TUBGCP5: variants seen among roughly 807,000 people sequenced by gnomAD.
TUBGCP5 encodes gamma-tubulin complex component 5.
TUBGCP5 carries 98 observed loss-of-function variants against 134.7 expected under a neutral mutation model. That is an observed-to-expected ratio of 0.73 (90% CI 0.62 to 0.86). The LOEUF is 0.86. TUBGCP5 is among the 40% of genes least tolerant of loss of function. The pLI is 0.00. For missense variants in TUBGCP5, 1,150 were observed against 1,244.8 expected (o/e 0.92, Z 1.15); for synonymous variants, 456 against 431.4 (o/e 1.06, Z -0.71).
rs576963665 is a variant in TUBGCP5, at chr15:22,988,509, G to A, written c.*62-4898C>T. 3.8e-4 allele frequency among the ~76,000 whole-genome samples: 58 copies of A among 151,700 alleles called. 2 individuals are homozygous for A. In the East Asian group the frequency reaches 7.9e-3, roughly 21 times the overall value. Reference sequence around the variant, plus strand: ...AGCACTTTGGGAGGCCAAGGCGGGCGTATCACGAGGTCAGGAGATCGAGAC... The same window carrying A: ...AGCACTTTGGGAGGCCAAGGCGGGCATATCACGAGGTCAGGAGATCGAGAC... On this transcript the variant is annotated intron_variant and NMD_transcript_variant, in intron 23 of 23. Transcript: ENST00000614508.
chr15:23,017,563 C>T (rs1247542461), intron 13 of TUBGCP5, among the ~76,000 whole-genome samples: 2 of 152,094 alleles, frequency 1.3e-5, no homozygotes, highest in Non-Finnish European at 2.9e-5. Flanking sequence ...ACTGCCTTTT[C>T]AAACACAGCA....
chr15:23,003,190 T>A, intron 20 of TUBGCP5, 37 bp from the exon 21 acceptor site: 2 of 1,596,678 alleles, frequency 1.3e-6, no homozygotes, highest in Non-Finnish European at 1.7e-6. Flanking sequence ...ACTGTGTAAC[T>A]AGGTTTGGAC....
rs1432048816 is a variant in TUBGCP5 at position 23,016,967 on chromosome 15, G to GATAT, written c.1756+805_1756+806insATAT. Among the ~76,000 whole-genome samples the GATAT allele has an allele frequency of 1.2e-3, 72 of 60,896 alleles. 2 individuals are homozygous for GATAT. The Middle Eastern group carries it at 0.027, about 23-fold the overall frequency. The allele number at this position is 60,896 out of a possible 152,430, so 40.0% of individuals were successfully genotyped here. ...ACAGATGAATGGGTAAAAAAATTGT[G>GATAT]AGATATATATATATATATATGTATA... On this transcript the variant is annotated intron_variant, in intron 13 of 22. Transcript: ENST00000615383.
chr15:23,032,756 A>G lies in TUBGCP5; in HGVS notation c.378T>C (p.Tyr126=), dbSNP rs1345700827. 1 of 1,596,314 alleles carries G rather than the reference A, an allele frequency of 6.3e-7. No homozygotes were observed. The highest frequency in any genetic ancestry group is 8.5e-7 in the Non-Finnish European group (1 of 1,173,342). The change falls in exon 4 of 23, where the codon TAT becomes TAC. Residue 126 remains tyrosine, a synonymous_variant. Transcript: ENST00000615383. The part of the protein sequence containing the change: ...CLSDSPSNSS[Y]VETPRNKEVE... ...CTTCTTTATTTCTTGGTGTCTCCAC[A>G]TAACTGCTGTTTGAAGGAGAGTCTG... is the stretch of plus-strand genomic sequence containing the variant.
chr15:23,036,943 G>A lies in TUBGCP5; in HGVS notation c.263C>T (p.Thr88Met), dbSNP rs1007639596. The A allele has an allele frequency of 1.7e-5, 28 of 1,612,552 alleles. No homozygotes were observed. Among genetic ancestry groups the A allele is most frequent in the Middle Eastern group, 3.3e-4 (2 of 6,056 alleles). ...AAGTGGTGCATTTAGAAATTCCTCC[G>A]TTAATCTCTTCCAACTAGCAGCTTT... is the stretch of plus-strand genomic sequence containing the variant. ...LSKAASWKRL[T>M]EEFLNAPLPS... is the part of the protein sequence containing the mutation. Residue 88 changes from threonine (T) to methionine (M), a missense_variant, in exon 3 of 23, where the codon ACG (threonine) becomes ATG (methionine). Coordinates refer to ENST00000615383, the MANE Select transcript of TUBGCP5 (RefSeq NM_052903.6).
chr15:23,019,884 G>A (rs2065566883), intron 11 of TUBGCP5, among the ~76,000 whole-genome samples: 2 of 152,198 alleles, frequency 1.3e-5, no homozygotes, highest in Admixed American at 1.3e-4. Flanking sequence ...AAACTTGAGA[G>A]TGAAAGTGAC....
Position 22,999,846 on chromosome 15 carries a change from G to T in TUBGCP5, c.3049C>A (p.Leu1017Ile). Residue 1017 changes from leucine to isoleucine, a missense_variant, in exon 23 of 23, where the codon CTC becomes ATC. Leu to Ile is a conservative substitution (Grantham distance 5). Around this residue, in one of 2 missense-constraint regions of TUBGCP5, gnomAD observed 697 missense variants for 850.1 expected, o/e 0.82. Transcript: ENST00000615383. ...TAACTTTGTTCCATGCCAGCCATGAGTGACAACGCTAGAGATTCCACTGTG... is the reference window on the plus strand; with the variant it reads ...TAACTTTGTTCCATGCCAGCCATGATTGACAACGCTAGAGATTCCACTGTG... ...FPHLESLALS[L>I]MAGMEQS 1 of 1,613,992 alleles carries T rather than the reference G, an allele frequency of 6.2e-7. No homozygotes were observed. Among genetic ancestry groups the T allele is most frequent in the Non-Finnish European group, 8.5e-7 (1 of 1,179,900 alleles).
At chr15:23,018,418 T>C (rs2065465684) in intron 12 of TUBGCP5, among the ~76,000 whole-genome samples, 1 of 152,194 alleles carries the variant, frequency 6.6e-6, no homozygotes, top group African/African-American at 2.4e-5. Context: ...AACAATAAAA[T>C]GATGGTCAAT....
chr15:23,039,415 G>A lies in TUBGCP5; in HGVS notation c.129C>T (p.Phe43=), dbSNP rs1048333231. ...ADPNFQLALN[F]AWSNFRFHRF... ...CCCCACACCTGAAGTTGGACCAGGC[G>A]AAGTTTAGGGCGAGCTGGAAGTTGG... The change falls in exon 1 of 23, where the codon TTC becomes TTT. Residue 43 remains phenylalanine (F), a synonymous_variant. Coordinates refer to ENST00000615383, the MANE Select transcript of TUBGCP5 (RefSeq NM_052903.6). 4 of 1,512,594 alleles carry A rather than the reference G, an allele frequency of 2.6e-6. No individual in the cohort carries two copies. Among genetic ancestry groups the A allele is most frequent in the Non-Finnish European group, 3.6e-6 (4 of 1,123,236 alleles). The allele number at this position is 1,512,594 out of a possible 1,614,324, so 93.7% of individuals were successfully genotyped here.
At chr15:22,986,842 A>G (rs1567073737) in intron 23 of TUBGCP5, among the ~76,000 whole-genome samples, 1 of 152,084 alleles carries the variant, frequency 6.6e-6, no homozygotes, top group African/African-American at 2.4e-5. Context: ...CGTGTAGGAA[A>G]CTTCTGGGGA....
In TUBGCP5 at chr15:23,035,329, T is replaced by TAAAA. The variant is rs71117460; in HGVS notation, c.309+1564_309+1567dup. On this transcript the variant is annotated intron_variant, in intron 3 of 22. Transcript: ENST00000615383. ...TGGGTGACAAAGTGACACTCAGTCTTAAAAAAAAAAAAGAAAAAAAGTGTG... is the reference window on the plus strand; with the variant it reads ...TGGGTGACAAAGTGACACTCAGTCTTAAAAAAAAAAAAAAAAGAAAAAAAGTGTG... Among the ~76,000 whole-genome samples the TAAAA allele has an allele frequency of 5.7e-3, 768 of 134,610 alleles. 9 individuals carry two copies. Among genetic ancestry groups the TAAAA allele is most frequent in the African/African-American group, 0.021 (729 of 35,456 alleles). 88.3% of individuals were successfully genotyped at this position (134,610 alleles called of 152,430 possible). A position where few individuals can be genotyped will look rare whatever the true frequency, so the allele number is the denominator to read the frequency against.
chr15:23,016,086 G>A (rs138447474), intron 13 of TUBGCP5, among the ~76,000 whole-genome samples: 28 of 152,192 alleles, frequency 1.8e-4, no homozygotes, highest in East Asian at 1.2e-3. Flanking sequence ...AAGAGAACTC[G>A]GTGAGATACA....
rs531262881 is a variant in TUBGCP5 at position 23,024,754 on chromosome 15, C to T, written c.904G>A (p.Val302Ile). 6.4e-6 allele frequency: 10 copies of T among 1,559,058 alleles called. No individual in the cohort carries two copies. In the Admixed American group the frequency reaches 1.1e-4, roughly 16 times the overall value. Reference sequence around the variant, plus strand: ...TAACTTACATGTGTTAAATGAGTTACTATAATATTGTTTCTCACAGTTACC... The same window carrying T: ...TAACTTACATGTGTTAAATGAGTTATTATAATATTGTTTCTCACAGTTACC... The part of the protein sequence containing the change: ...GKVTVRNNII[V>I]THLTHSCLRS... Residue 302 changes from valine to isoleucine, a missense_variant, in exon 9 of 23, where the codon GTA becomes ATA. Around this residue, in one of 2 missense-constraint regions of TUBGCP5, gnomAD observed 453 missense variants for 394.7 expected, o/e 1.15. Transcript: ENST00000615383.
At chr15:23,017,436 C>T (rs978679206) in intron 13 of TUBGCP5, among the ~76,000 whole-genome samples, 1 of 151,996 alleles carries the variant, frequency 6.6e-6, no homozygotes, top group African/African-American at 2.4e-5. Context: ...TGAATATGTA[C>T]AATTATTATG....
rs1435515799 is a variant in TUBGCP5 at position 23,039,569 on chromosome 15, T to C, written c.-26A>G. On this transcript the variant is annotated 5_prime_UTR_variant, in exon 1 of 23. Coordinates refer to ENST00000615383, the MANE Select transcript of TUBGCP5 (RefSeq NM_052903.6). ...GTTCCGCGCTCCTGCAGCGCGCGTC[T>C]AACGAATTGGTGCCTGTCGCGCGAG... 7.3e-6 allele frequency: 10 copies of C among 1,371,786 alleles called. No homozygotes were observed. In the South Asian group the frequency reaches 1.0e-4, roughly 14 times the overall value. The allele number at this position is 1,371,786 out of a possible 1,614,324, so 85.0% of individuals were successfully genotyped here.
At chr15:22,993,545 T>C (rs1258338190) in intron 23 of TUBGCP5, among the ~76,000 whole-genome samples, 1 of 128,698 alleles carries the variant, frequency 7.8e-6, no homozygotes, top group South Asian at 2.7e-4. Context: ...TTTTTTTTTT[T>C]TTTTTTTTTT....
In TUBGCP5 at chr15:23,024,236, G is replaced by A. The variant is rs200423631; in HGVS notation, c.922-43C>T. On this transcript the variant is annotated intron_variant, in intron 9 of 22. Transcript: ENST00000615383. The stretch of plus-strand genomic sequence containing the variant: ...TGCAATTATTCAAAGGTGGTCTTCT[G>A]TAAACATTCAAATTCATTTCCCTCT... The A allele has an allele frequency of 2.8e-5, 45 of 1,589,464 alleles. No homozygotes were observed. In the East Asian group the frequency reaches 9.7e-4, roughly 34 times the overall value.
At chr15:22,998,996 G>T, downstream of TUBGCP5, among the ~76,000 whole-genome samples, 1 of 152,046 alleles carries the variant, frequency 6.6e-6, no homozygotes, top group Middle Eastern at 3.4e-3. Context: ...CTGGCCTCAA[G>T]GAATCCTCTC....
At chr15:22,987,057 G>A (rs1467571313) in intron 23 of TUBGCP5, among the ~76,000 whole-genome samples, 1 of 152,134 alleles carries the variant, frequency 6.6e-6, no homozygotes, top group Non-Finnish European at 1.5e-5. Flanking sequence ...CTGTGGCTGG[G>A]GGCGGTGGCT....
Sources: gnomAD v4.1 joint callset for allele counts (sites outside exome capture counted in the v4.1 genomes callset) on GRCh38, gnomAD v4.1.1 for gene constraint, gnomAD v4.1.1 regional missense constraint, MANE v1.5 for transcripts, NCBI Gene and HGNC (gene_info 2026-07-23, HGNC 2026-07-21) for gene names.